NOP16: variants seen among roughly 807,000 people sequenced by gnomAD.
NOP16 encodes NOP16 nucleolar protein, also known as nucleolar protein 16.
In NOP16, 14 loss-of-function variants were observed where a neutral mutation model predicts 22.7. The observed-to-expected ratio is 0.62, with a 90% CI of 0.41 to 0.97. The LOEUF is 0.97. Among genes scored for constraint, NOP16 ranks in the 50% least tolerant of loss-of-function variants. NOP16 has a pLI of 0.00. For missense variants in NOP16, 198 were observed against 235.9 expected (o/e 0.84, Z 1.05); for synonymous variants, 80 against 83.6 (o/e 0.96, Z 0.23).
intron 4 of NOP16, 40 bp from the exon 5 acceptor site, chr5:176,384,414 C>G: frequency 1.3e-6 from 2 of 1,577,472 alleles, no homozygotes; most frequent in Non-Finnish European, 1.7e-6. Flanking sequence ...GCTAGACAGG[C>G]AAAGGCTCAA....
intron 3 of NOP16, chr5:176,386,427 T>C: frequency 3.3e-6 from 1 of 300,404 alleles, no homozygotes; most frequent in Non-Finnish European, 6.7e-6. Context: ...TAGGGTTTAC[T>C]CTCCTCCGTT....
At chr5:176,387,992 G>C (rs1005992884) in intron 2 of NOP16, among the ~76,000 whole-genome samples, 5 of 152,224 alleles carry the variant, frequency 3.3e-5, no homozygotes, top group Non-Finnish European at 7.3e-5. Context: ...GATGCTAATG[G>C]GTTAATTTCA....
intron 4 of NOP16, 98 bp from the exon 5 acceptor site, chr5:176,384,472 A>G (rs1755673952): frequency 2.1e-5 from 26 of 1,247,008 alleles, no homozygotes; most frequent in Non-Finnish European, 2.7e-5. Context: ...TCTATCCCTG[A>G]GGTCCAGAAT....
rs1205386779 is a variant in NOP16, at chr5:176,383,967, T to G, written c.*264A>C. On this transcript the variant is annotated 3_prime_UTR_variant, in exon 5 of 5. Transcript: ENST00000614830. ...GAAGTAAAATATATTTGCTTTATTA[T>G]GTACACACTATATTTACATCACCCA... is the stretch of plus-strand genomic sequence containing the variant. 5.9e-6 allele frequency: 9 copies of G among 1,522,040 alleles called. No individual in the cohort carries two copies. In the East Asian group the frequency reaches 1.5e-4, roughly 25 times the overall value. The allele number at this position is 1,522,040 out of a possible 1,614,324, so 94.3% of individuals were successfully genotyped here. A position where few individuals can be genotyped will look rare whatever the true frequency, so the allele number is the denominator to read the frequency against.
rs764031980 is a variant in NOP16 at position 176,384,262 on chromosome 5, G to T, written c.506C>A (p.Ser169Tyr). ...YPAEWQDFLDSLQKRKMEVE is the reference protein window; with the variant it reads ...YPAEWQDFLDYLQKRKMEVE ...CACCTCCATCTTCCTCTTCTGCAAA[G>T]AATCGAGGAAGTCTTGCCACTCTGC... The change falls in exon 5 of 5, where the codon TCT becomes TAT. Residue 169 changes from serine (S) to tyrosine (Y), a missense_variant. Ser to Tyr is a moderately radical substitution (Grantham distance 144). Coordinates refer to ENST00000614830, the MANE Select transcript of NOP16 (RefSeq NM_016391.8). 9 of 1,614,224 alleles carry T rather than the reference G, an allele frequency of 5.6e-6. No homozygotes were observed. The East Asian group carries it at 1.8e-4, about 32-fold the overall frequency.
At position 176,388,556 on chromosome 5, in the gene NOP16, C is replaced by A. The variant is rs767108492; in HGVS notation, c.-17G>T. The A allele has an allele frequency of 6.3e-7, 1 of 1,599,392 alleles. No individual in the cohort carries two copies. Among genetic ancestry groups the A allele is most frequent in the South Asian group, 1.1e-5 (1 of 90,594 alleles). On this transcript the variant is annotated 5_prime_UTR_variant, in exon 1 of 5. Transcript: ENST00000614830. ...CTTGGGCATCGCGCTGACCACCGCA[C>A]CAGCAGCTCAAACACGCTGCCTCTG...
intron 2 of NOP16, among the ~76,000 whole-genome samples, chr5:176,387,612 G>A (rs1419592644): frequency 6.6e-6 from 1 of 151,308 alleles, no homozygotes; most frequent in Non-Finnish European, 1.5e-5. Context: ...TAGGCAGGCA[G>A]AGAAAGATGA....
At chr5:176,384,780 C>A (rs776287790) in intron 4 of NOP16, 3 of 368,048 alleles carry the variant, frequency 8.2e-6, no homozygotes, top group Non-Finnish European at 1.5e-5. Context: ...AAAAAAAAGA[C>A]CAGGAAGGCC....
chr5:176,385,346 C>T lies in NOP16; in HGVS notation c.287-19G>A, dbSNP rs1380372593. On this transcript the variant is annotated intron_variant, in intron 3 of 4. Transcript: ENST00000614830. ...TCCAGGTCTGGAGTGATGAGAGAAG[C>T]GGGGAGACAGGGAATGAGGCTTTGC... 1.1e-5 allele frequency: 15 copies of T among 1,411,234 alleles called. No individual in the cohort carries two copies. Among genetic ancestry groups the T allele is most frequent in the African/African-American group, 1.4e-5 (1 of 71,002 alleles). 87.4% of individuals were successfully genotyped at this position (1,411,234 alleles called of 1,614,324 possible).
chr5:176,388,105 G>C, intron 2 of NOP16, 130 bp downstream of exon 2: 1 of 664,464 alleles, frequency 1.5e-6, no homozygotes, highest in Non-Finnish European at 2.6e-6. Context: ...TGAGCGTTCT[G>C]ACTGTGGGGA....
intron 2 of NOP16, 150 bp from the exon 3 acceptor site, chr5:176,387,059 G>T (rs1755905303): frequency 3.2e-6 from 2 of 618,270 alleles, no homozygotes; most frequent in South Asian, 2.0e-5. Context: ...TGCCCTGGAG[G>T]CTTTTTCTCT....
chr5:176,385,340 G>C lies in NOP16; in HGVS notation c.287-13C>G. 7.0e-7 allele frequency: 1 copy of C among 1,422,978 alleles called. No individual in the cohort carries two copies. Among genetic ancestry groups the C allele is most frequent in the Non-Finnish European group, 9.9e-7 (1 of 1,005,444 alleles). The allele number at this position is 1,422,978 out of a possible 1,614,324, so 88.1% of individuals were successfully genotyped here. ...TCTGCCTCCAGGTCTGGAGTGATGAGAGAAGCGGGGAGACAGGGAATGAGG... is the reference window on the plus strand; with the variant it reads ...TCTGCCTCCAGGTCTGGAGTGATGACAGAAGCGGGGAGACAGGGAATGAGG... On this transcript the variant is annotated splice_polypyrimidine_tract_variant and intron_variant, in intron 3 of 4. Coordinates refer to ENST00000614830, the MANE Select transcript of NOP16 (RefSeq NM_016391.8).
intron 2 of NOP16, 79 bp downstream of exon 2, chr5:176,388,156 T>C: frequency 9.3e-7 from 1 of 1,073,052 alleles, no homozygotes; most frequent in South Asian, 1.4e-5. Context: ...GAATGGGCAG[T>C]ACCACGTTCT....
At chr5:176,384,874 AG>A in intron 4 of NOP16, 1 of 498,134 alleles carries the variant, frequency 2.0e-6, no homozygotes, top group Non-Finnish European at 3.5e-6. Flanking sequence ...ACTTGGGCCC[AG>A]GGGTCCAGTG....
In NOP16 at chr5:176,385,308, G is replaced by A; in HGVS notation, c.306C>T (p.Ser102=). ...GAGTATTTCCTTTCTTTTCTGGAAG[G>A]CTGGCTTCTGCCTCCAGGTCTGGAG... ...YVLNDLEAEA[S]LPEKKGNTLS... is the part of the protein sequence containing the mutation. Residue 102 remains serine (S), a synonymous_variant, in exon 4 of 5, where the codon AGC becomes AGT. Coordinates refer to ENST00000614830, the MANE Select transcript of NOP16 (RefSeq NM_016391.8). 2.5e-6 allele frequency: 4 copies of A among 1,608,220 alleles called. No individual in the cohort carries two copies. The highest frequency in any genetic ancestry group is 2.6e-6 in the Non-Finnish European group (3 of 1,174,608).
At chr5:176,385,496 G>C (rs966263539) in intron 3 of NOP16, among the ~76,000 whole-genome samples, 169 bp from the exon 4 acceptor site, 1 of 152,146 alleles carries the variant, frequency 6.6e-6, no homozygotes, top group African/African-American at 2.4e-5. Flanking sequence ...ACCTCCTTCA[G>C]CCCCTTGGAT....
intron 3 of NOP16, chr5:176,386,331 CCTTTAT>C (rs1311197945): frequency 5.4e-6 from 1 of 184,882 alleles, no homozygotes; most frequent in Non-Finnish European, 1.2e-5. Flanking sequence ...CCATTCAAAT[CCTTTAT>C]CTTTAGGGGA....
At chr5:176,385,348 G>A (rs1461360674) in intron 3 of NOP16, 21 bp from the exon 4 acceptor site, 9 of 1,369,784 alleles carry the variant, frequency 6.6e-6, no homozygotes, top group Middle Eastern at 1.8e-4. Context: ...GAGAGAAGCG[G>A]GGAGACAGGG....
At chr5:176,387,756 G>A (rs1755999735) in intron 2 of NOP16, among the ~76,000 whole-genome samples, 1 of 152,202 alleles carries the variant, frequency 6.6e-6, no homozygotes, top group Non-Finnish European at 1.5e-5. Context: ...ACAAAAATCA[G>A]CCGGGTATGG....
Sources: gnomAD v4.1 joint callset for allele counts (sites outside exome capture counted in the v4.1 genomes callset) on GRCh38, gnomAD v4.1.1 for gene constraint, MANE v1.5 for transcripts, NCBI Gene and HGNC (gene_info 2026-07-23, HGNC 2026-07-21) for gene names.